Variants in GJA1 observed in about 807,000 individuals in gnomAD.
GJA1 encodes gap junction alpha-1 protein.
In GJA1, 9 loss-of-function variants were observed where a neutral mutation model predicts 31.0. The observed-to-expected ratio is 0.29, with a 90% CI of 0.17 to 0.51. The LOEUF (loss-of-function observed/expected upper bound fraction) is 0.51, where lower values mean the gene tolerates loss of function less well. Ranked by LOEUF, GJA1 falls within the 20% of genes least tolerant of loss-of-function variation. GJA1 has a pLI of 0.98. For synonymous variants in GJA1, 186 were observed against 180.1 expected, an observed-to-expected ratio of 1.03 and a Z score of -0.26; for missense variants, 278 against 468.8, an observed-to-expected ratio of 0.59 and a Z score of 3.76.
intron 1 of GJA1, among the ~76,000 whole-genome samples, chr6:121,445,559 G>A (rs1313389945): frequency 1.4e-5 from 2 of 146,174 alleles, no homozygotes; most frequent in African/African-American, 2.5e-5. Context: ...GCCCAGTAAG[G>A]GAACTTTAAA....
rs1773903614 is a variant in GJA1 at position 121,447,254 on chromosome 6, A to G, written c.407A>G (p.Lys136Arg). The G allele has an allele frequency of 1.2e-6, 2 of 1,614,044 alleles. No homozygotes were observed. The highest frequency in any genetic ancestry group is 1.1e-5 in the South Asian group (1 of 91,082). The change falls in exon 2 of 2, where the codon AAG (lysine) becomes AGG (arginine). Residue 136 changes from lysine (K) to arginine (R), a missense_variant. Physicochemically the swap from Lys to Arg is conservative, Grantham distance 26. This residue lies in a region of GJA1 where 80 missense variants were observed against 163.5 expected (regional missense o/e 0.49). Coordinates refer to ENST00000282561, the MANE Select transcript of GJA1 (RefSeq NM_000165.5). ...HLKQIEIKKF[K>R]YGIEEHGKVK... ...AAGCAGATTGAGATAAAGAAGTTCA[A>G]GTACGGTATTGAAGAGCATGGTAAG... is the stretch of plus-strand genomic sequence containing the variant.
At chr6:121,445,325 T>C (rs987576409) in intron 1 of GJA1, among the ~76,000 whole-genome samples, 1 of 152,176 alleles carries the variant, frequency 6.6e-6, no homozygotes, top group Non-Finnish European at 1.5e-5. Context: ...TCTTGTATTT[T>C]TTGTAGAGAC....
intron 1 of GJA1, among the ~76,000 whole-genome samples, chr6:121,438,738 A>G (rs1306351317): frequency 6.6e-6 from 1 of 152,206 alleles, no homozygotes; most frequent in Admixed American, 6.5e-5. Flanking sequence ...TTAATGTAAT[A>G]TTCTGTATGG....
rs1773921092 is a variant in GJA1, at chr6:121,448,064, A to G, written c.*68A>G. 13 of 1,390,978 alleles carry G rather than the reference A, an allele frequency of 9.3e-6. No individual in the cohort carries two copies. Among genetic ancestry groups the G allele is most frequent in the Non-Finnish European group, 1.3e-5 (13 of 978,026 alleles). 86.2% of individuals were successfully genotyped at this position (1,390,978 alleles called of 1,614,324 possible). A position where few individuals can be genotyped will look rare whatever the true frequency, so the allele number is the denominator to read the frequency against. On this transcript the variant is annotated 3_prime_UTR_variant, in exon 2 of 2. Transcript: ENST00000282561. ...AGAAAAAAGGTGCTGTAGAAAGTGCACCAGGTGTTAATTTTGATCCGGTGG... is the reference window on the plus strand; with the variant it reads ...AGAAAAAAGGTGCTGTAGAAAGTGCGCCAGGTGTTAATTTTGATCCGGTGG...
chr6:121,435,819 T>C lies in GJA1; in HGVS notation c.-30T>C, dbSNP rs555881957. ...CAATCACTTGGCGTGACTTCACTAC[T>C]TTTAAGCAAAAGAGTAAGTTTTTAA... On this transcript the variant is annotated 5_prime_UTR_variant, in exon 1 of 2. Coordinates refer to ENST00000282561, the MANE Select transcript of GJA1 (RefSeq NM_000165.5). 7.2e-5 allele frequency: 11 copies of C among 152,330 alleles called. No homozygotes were observed. In the South Asian group the frequency reaches 2.3e-3, roughly 32 times the overall value. 9.4% of individuals were successfully genotyped at this position (152,330 alleles called of 1,614,324 possible).
intron 1 of GJA1, among the ~76,000 whole-genome samples, chr6:121,445,084 A>C (rs761073947): frequency 1.3e-5 from 2 of 152,208 alleles, no homozygotes; most frequent in Admixed American, 6.5e-5. Flanking sequence ...TTATCAGCTA[A>C]ATGGATAATC....
rs2114285196 is a variant in GJA1, at chr6:121,448,030, T to C, written c.*34T>C. On this transcript the variant is annotated 3_prime_UTR_variant, in exon 2 of 2. Transcript: ENST00000282561. ...TTGAAAGCATCAAGATTCCACTCAA[T>C]TGTGGAGAAGAAAAAAGGTGCTGTA... is the stretch of plus-strand genomic sequence containing the variant. The C allele has an allele frequency of 6.3e-7, 1 of 1,579,440 alleles. No homozygotes were observed. Among genetic ancestry groups the C allele is most frequent in the East Asian group, 2.2e-5 (1 of 44,706 alleles).
chr6:121,446,797 C>T lies in GJA1; in HGVS notation c.-16-35C>T, dbSNP rs1234134515. The T allele has an allele frequency of 4.6e-6, 6 of 1,306,450 alleles. No individual in the cohort carries two copies. The African/African-American group carries it at 8.7e-5, about 19-fold the overall frequency. 80.9% of individuals were successfully genotyped at this position (1,306,450 alleles called of 1,614,324 possible). Reference sequence around the variant, plus strand: ...AAATGTTAAACTAGTAATTTGCAATCTGTGATCCTTGAATTGTCTCTTTGT... The same window carrying T: ...AAATGTTAAACTAGTAATTTGCAATTTGTGATCCTTGAATTGTCTCTTTGT... On this transcript the variant is annotated intron_variant, in intron 1 of 1. Transcript: ENST00000282561.
At chr6:121,436,187 G>A (rs1027386628) in intron 1 of GJA1, among the ~76,000 whole-genome samples, 2 of 128,062 alleles carry the variant, frequency 1.6e-5, no homozygotes, top group African/African-American at 2.9e-5. Flanking sequence ...TGTTGGGTGG[G>A]GGGGGGGCGG....
At chr6:121,443,706 A>G (rs1167485001) in intron 1 of GJA1, among the ~76,000 whole-genome samples, 1 of 152,218 alleles carries the variant, frequency 6.6e-6, no homozygotes, top group African/African-American at 2.4e-5. Flanking sequence ...CTACACAATC[A>G]TATTTTACTT....
intron 1 of GJA1, among the ~76,000 whole-genome samples, chr6:121,445,336 G>A (rs1311182236): frequency 6.6e-6 from 1 of 152,104 alleles, no homozygotes; most frequent in Admixed American, 6.6e-5. Context: ...TTGTAGAGAC[G>A]GGGTTTCACC....
At chr6:121,437,939 A>C (rs1390015947) in intron 1 of GJA1, among the ~76,000 whole-genome samples, 2 of 152,182 alleles carry the variant, frequency 1.3e-5, no homozygotes, top group African/African-American at 4.8e-5. Flanking sequence ...TGCAAGGATA[A>C]CTGGAAATTA....
At position 121,447,213 on chromosome 6, in the gene GJA1, T is replaced by C. The variant is rs2114283391; in HGVS notation, c.366T>C (p.Asn122=). ...ELKVAQTDGV[N]VDMHLKQIEI... is the part of the protein sequence containing the mutation. The stretch of plus-strand genomic sequence containing the variant: ...AGGTTGCCCAAACTGATGGTGTCAA[T>C]GTGGACATGCACTTGAAGCAGATTG... Residue 122 remains asparagine, a synonymous_variant, in exon 2 of 2, where the codon AAT becomes AAC. Transcript: ENST00000282561. 26 of 1,614,044 alleles carry C rather than the reference T, an allele frequency of 1.6e-5. No individual in the cohort carries two copies. Among genetic ancestry groups the C allele is most frequent in the African/African-American group, 9.3e-5 (7 of 75,026 alleles).
intron 1 of GJA1, 117 bp from the exon 2 acceptor site, chr6:121,446,715 A>G (rs1013584065): frequency 1.3e-6 from 1 of 789,258 alleles, no homozygotes; most frequent in Non-Finnish European, 2.2e-6. Context: ...TTTGTGAAAG[A>G]ATGTTAGAAA....
chr6:121,445,863 G>A (rs118017866), intron 1 of GJA1, among the ~76,000 whole-genome samples: 3,415 of 152,264 alleles, frequency 0.022, 60 homozygotes, highest in Non-Finnish European at 0.031. Context: ...ACCATTGCTT[G>A]GGAGGCTAAG....
Position 121,436,242 on chromosome 6 carries a change from T to A in GJA1, c.-17+410T>A, listed in dbSNP as rs1773662141. Among the ~76,000 whole-genome samples the A allele has an allele frequency of 3.6e-5, 5 of 139,930 alleles. No individual in the cohort carries two copies. In the South Asian group the frequency reaches 9.4e-4, roughly 26 times the overall value. 91.8% of individuals were successfully genotyped at this position (139,930 alleles called of 152,430 possible). On this transcript the variant is annotated intron_variant, in intron 1 of 1. Transcript: ENST00000282561. Reference sequence around the variant, plus strand: ...GATTTGACTGACTACATCGGAAAAATCAAAGTGCAAATTTGCTTAGCGTGC... The same window carrying A: ...GATTTGACTGACTACATCGGAAAAAACAAAGTGCAAATTTGCTTAGCGTGC...
intron 1 of GJA1, among the ~76,000 whole-genome samples, chr6:121,437,458 C>T (rs1347555304): frequency 6.6e-6 from 1 of 151,038 alleles, no homozygotes; most frequent in African/African-American, 2.4e-5. Context: ...TTAAATTGCA[C>T]TTGCAACTCC....
intron 1 of GJA1, among the ~76,000 whole-genome samples, chr6:121,436,586 A>G (rs1773666227): frequency 6.6e-6 from 1 of 152,228 alleles, no homozygotes. Flanking sequence ...TAGGAGATGA[A>G]ATCTCTTGAA....
chr6:121,446,232 T>C (rs1475455534), intron 1 of GJA1, among the ~76,000 whole-genome samples: 1 of 151,942 alleles, frequency 6.6e-6, no homozygotes, highest in Non-Finnish European at 1.5e-5. Flanking sequence ...GAGGCGGAAG[T>C]TGTGGTGAGC....
Sources: allele counts gnomAD v4.1 joint callset (sites outside exome capture counted in the v4.1 genomes callset), GRCh38; gene constraint gnomAD v4.1.1; regional missense constraint gnomAD v4.1.1; transcripts MANE v1.5; gene names NCBI Gene and HGNC (gene_info 2026-07-23, HGNC 2026-07-21).